Variants in STK3 observed in about 807,000 individuals in gnomAD.
STK3 encodes the protein serine/threonine-protein kinase 3.
In STK3, 41 loss-of-function variants were observed where a neutral mutation model predicts 58.0. The ratio of observed to expected loss-of-function variants is 0.71; its 90% confidence interval spans 0.55 to 0.92. The LOEUF (loss-of-function observed/expected upper bound fraction) is 0.92, where lower values mean the gene tolerates loss of function less well. Ranked by LOEUF, STK3 falls within the 40% of genes least tolerant of loss-of-function variation. The pLI is 0.00. For missense variants in STK3, 479 were observed against 602.7 expected, an observed-to-expected ratio of 0.79 and a Z score of 2.15; for synonymous variants, 170 against 191.0, an observed-to-expected ratio of 0.89 and a Z score of 0.91.
intron 10 of STK3, among the ~76,000 whole-genome samples, chr8:98,466,022 C>A (rs917206360): frequency 6.6e-6 from 1 of 152,100 alleles, no homozygotes; most frequent in African/African-American, 2.4e-5. Flanking sequence ...TCAAAAGCAA[C>A]CAGTAATTAA....
At chr8:98,688,869 A>T (rs1563891197) in intron 6 of STK3, among the ~76,000 whole-genome samples, 1 of 152,040 alleles carries the variant, frequency 6.6e-6, no homozygotes, top group East Asian at 1.9e-4. Flanking sequence ...ACAAGAAAAA[A>T]CTAAACCCAA....
intron 6 of STK3, among the ~76,000 whole-genome samples, chr8:98,669,188 G>A (rs1161057206): frequency 1.3e-5 from 2 of 151,780 alleles, no homozygotes; most frequent in Admixed American, 6.6e-5. Context: ...CTAGAGATGT[G>A]GTTTCATCAT....
At chr8:98,893,538 A>AAGAG (rs1305264288) in intron 1 of STK3, among the ~76,000 whole-genome samples, 3 of 139,780 alleles carry the variant, frequency 2.1e-5, no homozygotes, top group African/African-American at 8.1e-5. Flanking sequence ...GAAAGAAAGA[A>AAGAG]AAAGAAAGAG....
At chr8:98,414,047 T>C (rs1374427964) in intron 3 of STK3, among the ~76,000 whole-genome samples, 1 of 152,218 alleles carries the variant, frequency 6.6e-6, no homozygotes, top group African/African-American at 2.4e-5. Context: ...GTGGATCACC[T>C]GAGGCCAGGA....
intron 10 of STK3, among the ~76,000 whole-genome samples, chr8:98,459,826 T>C (rs1423086194): frequency 6.6e-6 from 1 of 152,228 alleles, no homozygotes; most frequent in Admixed American, 6.5e-5. Flanking sequence ...GAATTGAGGC[T>C]TGGGAACCTC....
intron 4 of STK3, among the ~76,000 whole-genome samples, chr8:98,712,969 G>A (rs964496406): frequency 6.6e-6 from 1 of 152,148 alleles, no homozygotes; most frequent in Non-Finnish European, 1.5e-5. Context: ...TAGAACTCAG[G>A]ATTAAGAAAC....
chr8:98,457,118 T>C (rs931144552), intron 10 of STK3, among the ~76,000 whole-genome samples: 1 of 152,256 alleles, frequency 6.6e-6, no homozygotes, highest in Non-Finnish European at 1.5e-5. Context: ...CTGGTATGTA[T>C]ATTAATAATC....
intron 10 of STK3, among the ~76,000 whole-genome samples, chr8:98,470,155 T>C (rs1820810297): frequency 1.3e-5 from 2 of 152,152 alleles, no homozygotes; most frequent in South Asian, 4.1e-4. Context: ...TCAACTAATT[T>C]TGAAAAATAC....
chr8:98,359,128 T>C, the STK3 span, among the ~76,000 whole-genome samples: 2 of 152,108 alleles, frequency 1.3e-5, no homozygotes, highest in Admixed American at 1.3e-4. Context: ...CATCCCGCTA[T>C]TCCTGCTGAA....
intron 7 of STK3, among the ~76,000 whole-genome samples, chr8:98,581,139 T>C (rs1813848210): frequency 6.6e-6 from 1 of 152,248 alleles, no homozygotes. Flanking sequence ...TGCGACTAAG[T>C]GAATGCGGGA....
chr8:98,428,978 G>A lies in STK3; in HGVS notation n.483+5149C>T. The stretch of plus-strand genomic sequence containing the variant: ...GCTACAAAGAAGTAGGGCTGCTCTT[G>A]CTCTACCTCTCCGTGGGGATTTCCA... On this transcript the variant is annotated intron_variant and non_coding_transcript_variant, in intron 3 of 3. Coordinates refer to the STK3 transcript ENST00000517832. This position sits in a 1 kb window ranked among gnomAD's most constrained non-coding sequence, Gnocchi z 6.7. 6.2e-7 allele frequency: 1 copy of A among 1,614,148 alleles called. No homozygotes were observed.
intron 8 of STK3, among the ~76,000 whole-genome samples, chr8:98,553,705 T>C (rs963330692): frequency 8.5e-5 from 13 of 152,146 alleles, no homozygotes; most frequent in African/African-American, 3.1e-4. Context: ...GGCTCACGCC[T>C]TTAATCTCGA....
At chr8:98,569,854 A>T (rs937632945) in intron 8 of STK3, among the ~76,000 whole-genome samples, 2 of 150,974 alleles carry the variant, frequency 1.3e-5, no homozygotes, top group Admixed American at 6.6e-5. Flanking sequence ...ACTTTTTACC[A>T]TGTAAAGGAA....
chr8:98,545,466 T>C (rs1810627019), intron 9 of STK3, among the ~76,000 whole-genome samples: 1 of 152,202 alleles, frequency 6.6e-6, no homozygotes, highest in Admixed American at 6.5e-5. Context: ...ACGTCCATTT[T>C]TTAAAAGGCA....
chr8:98,576,799 A>G (rs1175964596), intron 8 of STK3, among the ~76,000 whole-genome samples: 1 of 152,228 alleles, frequency 6.6e-6, no homozygotes, highest in Non-Finnish European at 1.5e-5. Flanking sequence ...GACAGATAAC[A>G]AACAGGAAGT....
At chr8:98,647,120 C>T (rs1247971577) in intron 6 of STK3, among the ~76,000 whole-genome samples, 1 of 152,136 alleles carries the variant, frequency 6.6e-6, no homozygotes, top group Non-Finnish European at 1.5e-5. Context: ...TCACTCTGCT[C>T]CCTTCTGCCT....
chr8:98,344,448 A>C, the STK3 span, among the ~76,000 whole-genome samples: 1 of 152,226 alleles, frequency 6.6e-6, no homozygotes, highest in Non-Finnish European at 1.5e-5. Flanking sequence ...GAAGGAGGGG[A>C]CAATACATTC....
At chr8:98,930,714 C>A (rs556233605) in intron 1 of STK3, among the ~76,000 whole-genome samples, 3 of 152,126 alleles carry the variant, frequency 2.0e-5, no homozygotes, top group African/African-American at 7.2e-5. Flanking sequence ...GTCTGGCAGC[C>A]GGTTCACTGT....
intron 6 of STK3, among the ~76,000 whole-genome samples, chr8:98,642,479 G>A (rs747170924): frequency 1.3e-5 from 2 of 152,124 alleles, no homozygotes; most frequent in Non-Finnish European, 2.9e-5. Context: ...ACCTTTAGAA[G>A]ATTAGTATTT....
Sources: gnomAD v4.1 joint callset for allele counts (sites outside exome capture counted in the v4.1 genomes callset) on GRCh38, gnomAD v4.1.1 for gene constraint, Gnocchi (gnomAD v3.1) non-coding constraint, MANE v1.5 for transcripts, NCBI Gene and HGNC (gene_info 2026-07-23, HGNC 2026-07-21) for gene names.